NELL1: variants seen among roughly 807,000 people sequenced by gnomAD.
NELL1 encodes neural EGFL like 1, also known as protein kinase C-binding protein NELL1.
NELL1 carries 76 observed loss-of-function variants against 107.4 expected under a neutral mutation model. That is an observed-to-expected ratio of 0.71 (90% CI 0.59 to 0.86). The LOEUF (loss-of-function observed/expected upper bound fraction) is 0.86. Among genes scored for constraint, NELL1 ranks in the 40% least tolerant of loss-of-function variants. The pLI, the probability that NELL1 is intolerant of heterozygous loss-of-function variation, is 0.00. For synonymous variants in NELL1, 353 were observed against 341.2 expected (o/e 1.03, Z -0.38); for missense variants, 1,024 against 1,005.5 (o/e 1.02, Z -0.25).
chr11:21,335,989 C>T (rs35957935), intron 14 of NELL1, among the ~76,000 whole-genome samples: 39,378 of 151,730 alleles, frequency 0.26, 5,378 homozygotes, highest in Non-Finnish European at 0.32. Context: ...TAATTTCATG[C>T]GAAATCAACA....
intron 12 of NELL1, among the ~76,000 whole-genome samples, chr11:20,966,122 G>A (rs780199529): frequency 5.3e-5 from 8 of 152,176 alleles, no homozygotes; most frequent in South Asian, 2.1e-4. Flanking sequence ...CGTTCATGCC[G>A]CTGTAACAGA....
intron 14 of NELL1, among the ~76,000 whole-genome samples, chr11:21,240,655 T>G (rs981317677): frequency 6.6e-6 from 1 of 151,522 alleles, no homozygotes; most frequent in Non-Finnish European, 1.5e-5. Flanking sequence ...AAAGGGACTT[T>G]TGTGGCACAA....
chr11:21,547,842 C>G (rs1470735445), intron 16 of NELL1, among the ~76,000 whole-genome samples: 3 of 151,820 alleles, frequency 2.0e-5, no homozygotes. Context: ...AACTGAAGAA[C>G]AGTGAGGTCT....
intron 12 of NELL1, among the ~76,000 whole-genome samples, chr11:21,103,804 A>G (rs1206871567): frequency 2.0e-5 from 3 of 152,188 alleles, no homozygotes; most frequent in Non-Finnish European, 4.4e-5. Context: ...CAAGACTCAA[A>G]ACAATTATTA....
chr11:21,261,383 T>C (rs959078006), intron 14 of NELL1, among the ~76,000 whole-genome samples: 9 of 151,742 alleles, frequency 5.9e-5, no homozygotes, highest in Non-Finnish European at 1.3e-4. Flanking sequence ...AGTGTGTTGT[T>C]CCCCTCTACA....
intron 7 of NELL1, among the ~76,000 whole-genome samples, chr11:20,923,990 A>G (rs1850436346): frequency 6.6e-6 from 1 of 152,170 alleles, no homozygotes; most frequent in Non-Finnish European, 1.5e-5. Flanking sequence ...ATCTTTCATT[A>G]TGTAGAGTTC....
At chr11:21,346,422 C>A (rs1565180078) in intron 14 of NELL1, among the ~76,000 whole-genome samples, 2 of 151,010 alleles carry the variant, frequency 1.3e-5, no homozygotes, top group Non-Finnish European at 2.9e-5. Flanking sequence ...CCAACTGTAC[C>A]CAAGCCATAT....
intron 2 of NELL1, among the ~76,000 whole-genome samples, chr11:20,730,326 A>G (rs1792979): frequency 0.98 from 148,700 of 152,266 alleles, 72,693 homozygotes; most frequent in Middle Eastern, 1. Context: ...GTGAGCCTGT[A>G]AACTGCCTGA....
chr11:21,306,874 A>G (rs182090991), intron 14 of NELL1, among the ~76,000 whole-genome samples: 6 of 152,186 alleles, frequency 3.9e-5, no homozygotes, highest in Admixed American at 3.9e-4. Context: ...CATAGAATGT[A>G]ATAACATTTA....
chr11:21,421,276 T>C (rs2133822123), intron 15 of NELL1, among the ~76,000 whole-genome samples: 1 of 152,246 alleles, frequency 6.6e-6, no homozygotes, highest in Non-Finnish European at 1.5e-5. Flanking sequence ...GTAACTATTT[T>C]GAAACTCTGG....
At chr11:21,103,153 A>T (rs900519315) in intron 12 of NELL1, among the ~76,000 whole-genome samples, 4 of 152,196 alleles carry the variant, frequency 2.6e-5, no homozygotes, top group African/African-American at 9.6e-5. Flanking sequence ...TCATAGGTCC[A>T]CAGGCCCTTG....
chr11:21,510,090 G>T (rs139838883), intron 15 of NELL1, among the ~76,000 whole-genome samples: 37 of 152,312 alleles, frequency 2.4e-4, no homozygotes, highest in Non-Finnish European at 4.4e-4. Flanking sequence ...CACTTGAGTT[G>T]AATGGCAAGA....
At chr11:21,035,988 C>T (rs888751262) in intron 12 of NELL1, among the ~76,000 whole-genome samples, 5 of 152,064 alleles carry the variant, frequency 3.3e-5, no homozygotes, top group African/African-American at 7.2e-5. Flanking sequence ...TAGAAAACCC[C>T]GTAGTCTCAG....
In NELL1 at chr11:21,276,495, G is replaced by C. The variant is rs548818746; in HGVS notation, c.1549+47041G>C. 1.1e-4 allele frequency among the ~76,000 whole-genome samples: 16 copies of C among 152,230 alleles called. No homozygotes were observed. The South Asian group carries it at 3.1e-3, about 30-fold the overall frequency. On this transcript the variant is annotated intron_variant, in intron 14 of 19. Transcript: ENST00000357134. The stretch of plus-strand genomic sequence containing the variant: ...GCCCAAGGTAATTTATAGATTCAGT[G>C]CCATCACCATCAAGCTACCAATGAC...
chr11:21,275,226 C>T (rs149644059), intron 14 of NELL1, among the ~76,000 whole-genome samples: 4,110 of 152,048 alleles, frequency 0.027, 190 homozygotes, highest in African/African-American at 0.094. Flanking sequence ...ATATCACCAC[C>T]GAACCCACAG....
chr11:21,027,019 G>C (rs1852830413), intron 12 of NELL1, among the ~76,000 whole-genome samples: 1 of 152,112 alleles, frequency 6.6e-6, no homozygotes, highest in Non-Finnish European at 1.5e-5. Context: ...TCCTGGGAAA[G>C]ATTAACAAGC....
chr11:21,337,590 G>A (rs1590849031), intron 14 of NELL1, among the ~76,000 whole-genome samples: 1 of 152,186 alleles, frequency 6.6e-6, no homozygotes, highest in East Asian at 1.9e-4. Flanking sequence ...CATGGCCCAG[G>A]CCAGCTACAA....
chr11:20,969,911 T>C (rs1188816299), intron 12 of NELL1, among the ~76,000 whole-genome samples: 1 of 152,174 alleles, frequency 6.6e-6, no homozygotes, highest in African/African-American at 2.4e-5. Context: ...TAGCTATGTA[T>C]TGTAACATTA....
intron 12 of NELL1, among the ~76,000 whole-genome samples, chr11:20,990,284 C>A (rs1404799709): frequency 6.6e-6 from 1 of 152,124 alleles, no homozygotes; most frequent in African/African-American, 2.4e-5. Flanking sequence ...ATCACTCCTC[C>A]TTTTTAGATC....
Sources: gnomAD v4.1 joint callset for allele counts (sites outside exome capture counted in the v4.1 genomes callset) on GRCh38, gnomAD v4.1.1 for gene constraint, MANE v1.5 for transcripts, NCBI Gene and HGNC (gene_info 2026-07-23, HGNC 2026-07-21) for gene names.